The following PTPRB variants were observed in gnomAD, a reference collection of about 807,000 sequenced individuals.
PTPRB encodes protein tyrosine phosphatase receptor type B.
PTPRB carries 97 observed loss-of-function variants against 238.1 expected under a neutral mutation model. That is an observed-to-expected ratio of 0.41 (90% CI 0.35 to 0.48). PTPRB has a LOEUF of 0.48. Among genes scored for constraint, PTPRB ranks in the 20% least tolerant of loss-of-function variants. The probability of loss-of-function intolerance (pLI) is 0.30; values close to 1 mark genes in which losing one functional copy is unlikely to be tolerated. For synonymous variants in PTPRB, 970 were observed against 995.4 expected (o/e 0.97, Z 0.48); for missense variants, 2,292 against 2,681.9 (o/e 0.85, Z 3.21).
At chr12:70,574,915 A>G (rs1381717029) in intron 11 of PTPRB, among the ~76,000 whole-genome samples, 4 of 152,198 alleles carry the variant, frequency 2.6e-5, no homozygotes, top group Admixed American at 1.3e-4. Flanking sequence ...TACGGATAGG[A>G]AATCATCATG....
At chr12:70,536,237 G>A in intron 28 of PTPRB, 78 bp from the exon 29 acceptor site, 1 of 1,476,660 alleles carries the variant, frequency 6.8e-7, no homozygotes, top group South Asian at 1.3e-5. Context: ...CTTCAGATTA[G>A]ATGATAGGGA....
intron 33 of PTPRB, among the ~76,000 whole-genome samples, chr12:70,521,763 A>G (rs2136190310): frequency 6.6e-6 from 1 of 152,334 alleles, no homozygotes; most frequent in South Asian, 2.1e-4. Flanking sequence ...GAGGCAGAGT[A>G]ACTTACTCAG....
intron 22 of PTPRB, chr12:70,541,976 A>C (rs1315553233): frequency 6.6e-6 from 1 of 150,846 alleles, no homozygotes; most frequent in Non-Finnish European, 1.5e-5. Context: ...TATACTGAGG[A>C]GTGAAATTGC....
rs768958978 is a variant in PTPRB, at chr12:70,517,022, TAGAAC to T, written c.*4462_*4466del. The T allele has an allele frequency of 1.7e-4, 26 of 152,352 alleles. No individual in the cohort carries two copies. The highest frequency in any genetic ancestry group is 5.9e-4 in the Admixed American group (9 of 15,298). The allele number at this position is 152,352 out of a possible 1,614,324, so 9.4% of individuals were successfully genotyped here. A position where few individuals can be genotyped will look rare whatever the true frequency, so the allele number is the denominator to read the frequency against. On this transcript the variant is annotated 3_prime_UTR_variant, in exon 34 of 34. Coordinates refer to ENST00000334414, the MANE Select transcript of PTPRB (RefSeq NM_001109754.4). ...ATACTTCTATTGCTAGAAACATTTT[TAGAAC>T]AGAACAGATTTTTCCTGTTATCATG...
chr12:70,540,278 C>A, intron 23 of PTPRB: 1 of 374,732 alleles, frequency 2.7e-6, no homozygotes, highest in Non-Finnish European at 4.8e-6. Flanking sequence ...TCACTTCCCA[C>A]ATTCTCAATA....
intron 2 of PTPRB, among the ~76,000 whole-genome samples, chr12:70,634,453 A>T (rs555804336): frequency 9.9e-5 from 15 of 152,164 alleles, no homozygotes; most frequent in East Asian, 1.9e-4. Flanking sequence ...ATTTTTTTTT[A>T]AATTTTTATT....
intron 2 of PTPRB, among the ~76,000 whole-genome samples, chr12:70,629,576 G>A (rs1885350808): frequency 1.3e-5 from 2 of 151,976 alleles, no homozygotes; most frequent in South Asian, 4.1e-4. Context: ...GCTAGCAGAA[G>A]GTAAGAAATA....
chr12:70,586,838 T>C lies in PTPRB; in HGVS notation c.2311+169A>G, dbSNP rs576365756. Among the ~76,000 whole-genome samples, 8 of 152,314 alleles carry C rather than the reference T, an allele frequency of 5.3e-5. No individual in the cohort carries two copies. The East Asian group carries it at 1.5e-3, about 29-fold the overall frequency. ...AAGCAAAGTAAAAAGAAGGAACTAA[T>C]AAAGATAAGAACTGCAATTGGTAAA... is the stretch of plus-strand genomic sequence containing the variant. On this transcript the variant is annotated intron_variant, in intron 9 of 33. Coordinates refer to ENST00000334414, the MANE Select transcript of PTPRB (RefSeq NM_001109754.4).
In PTPRB at chr12:70,622,604, G is replaced by A. The variant is rs373051218; in HGVS notation, c.494C>T (p.Thr165Met). The A allele has an allele frequency of 5.0e-4, 789 of 1,585,462 alleles. 1 individual carries two copies. The highest frequency in any genetic ancestry group is 6.1e-4 in the Non-Finnish European group (716 of 1,164,480). ...AEVSVRSTRNTAPPQILTTFN... is the reference protein window; with the variant it reads ...AEVSVRSTRNMAPPQILTTFN... ...GGTAGTGAGAATCTGGGGTGGAGCC[G>A]TGTTTCTAGTGCTCCTCACCGAAAC... Residue 165 changes from threonine to methionine, a missense_variant, in exon 3 of 34, where the codon ACG becomes ATG. By Grantham distance (81) the Thr-to-Met change is moderately conservative (BLOSUM62 -1). This residue lies in a region of PTPRB where 1,205 missense variants were observed against 1,287.8 expected (regional missense o/e 0.94). Coordinates refer to ENST00000334414, the MANE Select transcript of PTPRB (RefSeq NM_001109754.4).
chr12:70,626,367 A>C lies in PTPRB; in HGVS notation c.452-3721T>G, dbSNP rs868264152. ...TCTATCTATCTATCTATCTATCTAT[A>C]TTCCTGCCTGCCTGCCTGCCTGCCT... On this transcript the variant is annotated intron_variant, in intron 2 of 33. Transcript: ENST00000334414. Among the ~76,000 whole-genome samples, 498 of 80,490 alleles carry C rather than the reference A, an allele frequency of 6.2e-3. 7 individuals carry two copies. The highest frequency in any genetic ancestry group is 0.02 in the Admixed American group (163 of 8,072). 52.8% of individuals were successfully genotyped at this position (80,490 alleles called of 152,430 possible).
chr12:70,623,669 A>C (rs1425234904), intron 2 of PTPRB, among the ~76,000 whole-genome samples: 1 of 152,348 alleles, frequency 6.6e-6, no homozygotes, highest in South Asian at 2.1e-4. Context: ...ATACAATCAG[A>C]TAACTGTGCC....
chr12:70,525,655 C>T (rs1326165690), intron 32 of PTPRB, among the ~76,000 whole-genome samples: 3 of 152,234 alleles, frequency 2.0e-5, no homozygotes, highest in Non-Finnish European at 4.4e-5. Flanking sequence ...CCACAGGCAG[C>T]CAAGCTTGTG....
chr12:70,571,228 A>C lies in PTPRB; in HGVS notation c.3168T>G (p.Thr1056=), dbSNP rs751756868. ...CGACATCCCCATTAGCTCCTGACCAAGTCACATGCAAGTCCTCAGTGCTCC... is the reference window on the plus strand; with the variant it reads ...CGACATCCCCATTAGCTCCTGACCACGTCACATGCAAGTCCTCAGTGCTCC... ...RNRSTEDLHV[T]WSGANGDVDQ... Residue 1056 remains threonine, a synonymous_variant, in exon 13 of 34, where the codon ACT becomes ACG. Transcript: ENST00000334414. 3 of 1,612,820 alleles carry C rather than the reference A, an allele frequency of 1.9e-6. No homozygotes were observed. Among genetic ancestry groups the C allele is most frequent in the South Asian group, 2.2e-5 (2 of 91,032 alleles).
intron 22 of PTPRB, 183 bp from the exon 23 acceptor site, chr12:70,541,140 G>A: frequency 1.7e-6 from 1 of 573,610 alleles, no homozygotes; most frequent in Non-Finnish European, 3.1e-6. Context: ...GATGATGAAA[G>A]GCTGGCTCCC....
chr12:70,524,525 G>T lies in PTPRB; in HGVS notation c.6571C>A (p.Gln2191Lys), dbSNP rs758921610. The T allele has an allele frequency of 2.5e-6, 4 of 1,613,356 alleles. No individual in the cohort carries two copies. Among genetic ancestry groups the T allele is most frequent in the Non-Finnish European group, 2.5e-6 (3 of 1,179,442 alleles). ...VLRARKLRSE[Q>K]ENPLFPIYEN... ...TAGATTGGAAACAAGGGGTTTTCTT[G>T]TTCACTCCGTAGCTTTCTTGCTCTG... The change falls in exon 33 of 34, where the codon CAA (glutamine) becomes AAA (lysine). Residue 2191 changes from glutamine (Q) to lysine (K), a missense_variant. Gln to Lys is a moderately conservative substitution (Grantham distance 53). Coordinates refer to ENST00000334414, the MANE Select transcript of PTPRB (RefSeq NM_001109754.4).
intron 2 of PTPRB, among the ~76,000 whole-genome samples, chr12:70,630,798 A>T (rs1885416988): frequency 6.6e-6 from 1 of 152,228 alleles, no homozygotes; most frequent in African/African-American, 2.4e-5. Flanking sequence ...ACAGACAGAG[A>T]GCCAAGTCAT....
intron 11 of PTPRB, among the ~76,000 whole-genome samples, chr12:70,574,077 G>C (rs1880422439): frequency 1.3e-5 from 2 of 152,130 alleles, no homozygotes; most frequent in South Asian, 4.1e-4. Flanking sequence ...GCATTGAAAA[G>C]AGGCATGAAC....
chr12:70,601,638 G>T (rs931370372), intron 4 of PTPRB, among the ~76,000 whole-genome samples: 5 of 152,092 alleles, frequency 3.3e-5, no homozygotes, highest in African/African-American at 1.2e-4. Context: ...AGGATTACTT[G>T]TAAAAATCAG....
intron 16 of PTPRB, among the ~76,000 whole-genome samples, chr12:70,561,323 C>G (rs1225301354): frequency 6.6e-6 from 1 of 152,146 alleles, no homozygotes; most frequent in African/African-American, 2.4e-5. Context: ...CTCTGGGTCT[C>G]TTTACATCCT....
Sources: gnomAD v4.1 joint callset for allele counts (sites outside exome capture counted in the v4.1 genomes callset) on GRCh38, gnomAD v4.1.1 for gene constraint, gnomAD v4.1.1 regional missense constraint, MANE v1.5 for transcripts, NCBI Gene and HGNC (gene_info 2026-07-23, HGNC 2026-07-21) for gene names.